The following SMARCD3 variants were observed in gnomAD, a reference collection of about 807,000 sequenced individuals.
The protein encoded by SMARCD3 is SWI/SNF-related matrix-associated actin-dependent regulator of chromatin subfamily D member 3.
Under a neutral mutation model 58.0 loss-of-function variants are expected in SMARCD3, and 14 were observed. That is an observed-to-expected ratio of 0.24 (90% CI 0.16 to 0.38). SMARCD3 has a LOEUF of 0.38. SMARCD3 is among the 10% of genes least tolerant of loss of function. The probability of loss-of-function intolerance (pLI) is 1.00; values close to 1 mark genes in which losing one functional copy is unlikely to be tolerated. For missense variants in SMARCD3, 408 were observed against 636.9 expected (o/e 0.64, Z 3.87); for synonymous variants, 253 against 253.8 (o/e 1.00, Z 0.03).
intron 2 of SMARCD3, among the ~76,000 whole-genome samples, chr7:151,244,061 G>A (rs1368413084): frequency 6.6e-6 from 1 of 152,190 alleles, no homozygotes; most frequent in East Asian, 1.9e-4. Context: ...GGAGAGGGAA[G>A]CCAGGTTCTG....
Position 151,245,741 on chromosome 7 carries a change from C to T in SMARCD3, c.79-70G>A. ...AGACCAGGGCCCCCCGCTCCAGGCG[C>T]GGTGAGCCGGCGTCTCCCCTCCCCC... On this transcript the variant is annotated intron_variant, in intron 1 of 12. Coordinates refer to ENST00000262188, the MANE Select transcript of SMARCD3 (RefSeq NM_001003801.2). This position sits in a 1 kb window ranked among gnomAD's most constrained non-coding sequence, Gnocchi z 6.2. The T allele has an allele frequency of 2.5e-6, 1 of 406,062 alleles. No individual in the cohort carries two copies. The allele number at this position is 406,062 out of a possible 1,614,324, so 25.2% of individuals were successfully genotyped here. A position where few individuals can be genotyped will look rare whatever the true frequency, so the allele number is the denominator to read the frequency against.
rs1239760372 is a variant in SMARCD3, at chr7:151,248,540, C to A, written c.23G>T (p.Gly8Val). The stretch of plus-strand genomic sequence containing the variant: ...GCTTTTCGTGGCTTTGCGCGCCCCT[C>A]CGGCAACTTCGTCCGCGGCCATCGG... MAADEVA[G>V]GARKATKSKL... The change falls in exon 1 of 13, where the codon GGA becomes GTA. Residue 8 changes from glycine to valine, a missense_variant. Physicochemically the swap from Gly to Val is moderately radical, Grantham distance 109. This residue lies in a region of SMARCD3 where 84 missense variants were observed against 81.2 expected (regional missense o/e 1.03). Coordinates refer to ENST00000262188, the MANE Select transcript of SMARCD3 (RefSeq NM_001003801.2). This position sits in a 1 kb window ranked among gnomAD's most constrained non-coding sequence, Gnocchi z 6.1. 6.2e-7 allele frequency: 1 copy of A among 1,613,842 alleles called. No homozygotes were observed.
At position 151,242,771 on chromosome 7, in the gene SMARCD3, T is replaced by G. The variant is rs757191231; in HGVS notation, c.406A>C (p.Ile136Leu). Residue 136 changes from isoleucine (I) to leucine (L), a missense_variant, in exon 4 of 13, where the codon ATC becomes CTC. Ile to Leu is a conservative substitution (Grantham distance 5). Around this residue, in one of 4 missense-constraint regions of SMARCD3, gnomAD observed 128 missense variants for 188.8 expected, o/e 0.68. Transcript: ENST00000262188. The surrounding 1 kb of genome is among the most constrained non-coding windows in gnomAD (Gnocchi z 4.7). The part of the protein sequence containing the change: ...LAFERKLDQT[I>L]MRKRVDIQEA... ...TGGATGTCCACCCGCTTCCGCATGA[T>G]GGTTTGATCCAGTTTCCTCTCAAAT... 4 of 1,614,124 alleles carry G rather than the reference T, an allele frequency of 2.5e-6. No individual in the cohort carries two copies. In the South Asian group the frequency reaches 4.4e-5, roughly 18 times the overall value.
upstream of SMARCD3, among the ~76,000 whole-genome samples, chr7:151,253,216 G>A (rs901579179): frequency 6.6e-6 from 1 of 152,156 alleles, no homozygotes; most frequent in African/African-American, 2.4e-5. Context: ...GAGTGAGTGG[G>A]GGCTGCTCAC....
intron 2 of SMARCD3, among the ~76,000 whole-genome samples, chr7:151,270,033 T>G (rs1795127262): frequency 6.6e-6 from 1 of 152,150 alleles, no homozygotes; most frequent in Non-Finnish European, 1.5e-5. Context: ...GAGCCAGAGC[T>G]GGATGTTCCG....
chr7:151,250,074 G>A (rs547227918), upstream of SMARCD3, among the ~76,000 whole-genome samples: 1 of 152,152 alleles, frequency 6.6e-6, no homozygotes, highest in Admixed American at 6.5e-5. Flanking sequence ...TTGAAGTTGG[G>A]CCCTGAAGAC....
Position 151,241,483 on chromosome 7 carries a change from A to T in SMARCD3, c.939+9T>A. On this transcript the variant is annotated intron_variant, in intron 8 of 12. Coordinates refer to ENST00000262188, the MANE Select transcript of SMARCD3 (RefSeq NM_001003801.2). This position sits in a 1 kb window ranked among gnomAD's most constrained non-coding sequence, Gnocchi z 5.3. ...CTCCCCAGATCCCAGGGTTCAGGAG[A>T]GAGGTTACCTGCTGGAAATACTTGT... 1 of 1,610,150 alleles carries T rather than the reference A, an allele frequency of 6.2e-7. No homozygotes were observed. Among genetic ancestry groups the T allele is most frequent in the Non-Finnish European group, 8.5e-7 (1 of 1,178,206 alleles).
At chr7:151,266,566 G>GCT (rs1270841310) in intron 2 of SMARCD3, among the ~76,000 whole-genome samples, 2 of 152,014 alleles carry the variant, frequency 1.3e-5, no homozygotes, top group African/African-American at 4.8e-5. Context: ...GCAAGACAAG[G>GCT]CTCTCTCTCT....
At position 151,239,701 on chromosome 7, in the gene SMARCD3, C is replaced by T. The variant is rs778282934; in HGVS notation, c.1219G>A (p.Asp407Asn). The change falls in exon 11 of 13, where the codon GAC (aspartate) becomes AAC (asparagine). Residue 407 changes from aspartate to asparagine, a missense_variant. Transcript: ENST00000262188. This position sits in a 1 kb window ranked among gnomAD's most constrained non-coding sequence, Gnocchi z 7.0. ...ESINQLKIQR[D>N]FMLSFSRDPK... ...TCTCTGGAGAAGCTTAGCATGAAGT[C>T]CCTCTGGATCTTGAGCTGGTTTATG... 6.2e-7 allele frequency: 1 copy of T among 1,613,890 alleles called. No homozygotes were observed. Among genetic ancestry groups the T allele is most frequent in the Non-Finnish European group, 8.5e-7 (1 of 1,179,868 alleles).
chr7:151,250,314 C>T (rs1350940924), upstream of SMARCD3, among the ~76,000 whole-genome samples: 1 of 151,970 alleles, frequency 6.6e-6, no homozygotes, highest in African/African-American at 2.4e-5. Flanking sequence ...TCTCCCAGGG[C>T]TTTAGCCTAG....
At chr7:151,267,025 C>T (rs1804102677) in intron 2 of SMARCD3, among the ~76,000 whole-genome samples, 1 of 152,288 alleles carries the variant, frequency 6.6e-6, no homozygotes, top group African/African-American at 2.4e-5. Context: ...GGTATTTATA[C>T]CACAGGAATT....
At position 151,243,649 on chromosome 7, in the gene SMARCD3, AG is replaced by A; in HGVS notation, c.333+9del. 6.3e-7 allele frequency: 1 copy of A among 1,580,528 alleles called. No individual in the cohort carries two copies. Among genetic ancestry groups the A allele is most frequent in the Non-Finnish European group, 8.7e-7 (1 of 1,149,646 alleles). ...GGGGTGGGCTGGGGGCTGCTGTGAA[AG>A]GCACTCACCCTTTGAGGGAGGATTT... On this transcript the variant is annotated intron_variant, in intron 3 of 12. Transcript: ENST00000262188. This position sits in a 1 kb window ranked among gnomAD's most constrained non-coding sequence, Gnocchi z 4.4.
Position 151,239,977 on chromosome 7 carries a change from GA to G in SMARCD3, c.1173+134del, listed in dbSNP as rs1397131542. ...GGGCCATGTGTGTCCCATTGGCCCAGAGTCTGGTCTCTTTTTTTTTTTTTTT... is the reference window on the plus strand; with the variant it reads ...GGGCCATGTGTGTCCCATTGGCCCAGGTCTGGTCTCTTTTTTTTTTTTTTT... On this transcript the variant is annotated intron_variant, in intron 10 of 12. Coordinates refer to ENST00000262188, the MANE Select transcript of SMARCD3 (RefSeq NM_001003801.2). The surrounding 1 kb of genome is among the most constrained non-coding windows in gnomAD (Gnocchi z 7.0). 7.7e-6 allele frequency: 8 copies of G among 1,038,710 alleles called. No individual in the cohort carries two copies. The Admixed American group carries it at 2.2e-4, about 28-fold the overall frequency. 64.3% of individuals were successfully genotyped at this position (1,038,710 alleles called of 1,614,324 possible). A position where few individuals can be genotyped will look rare whatever the true frequency, so the allele number is the denominator to read the frequency against.
rs1802849041 is a variant in SMARCD3, at chr7:151,239,579, T to C, written c.1296+45A>G. 6.2e-7 allele frequency: 1 copy of C among 1,613,498 alleles called. No homozygotes were observed. Among genetic ancestry groups the C allele is most frequent in the Non-Finnish European group, 8.5e-7 (1 of 1,179,662 alleles). On this transcript the variant is annotated intron_variant, in intron 11 of 12. Transcript: ENST00000262188. The surrounding 1 kb of genome is among the most constrained non-coding windows in gnomAD (Gnocchi z 7.0). The stretch of plus-strand genomic sequence containing the variant: ...GTACAACGTTTACTCTCTTTCCCGC[T>C]GTGCTTGTCTTCCACTCCAGTACTC...
chr7:151,253,671 T>C (rs544200739), upstream of SMARCD3, among the ~76,000 whole-genome samples: 1 of 152,202 alleles, frequency 6.6e-6, no homozygotes, highest in East Asian at 1.9e-4. Flanking sequence ...TTACTCCCCA[T>C]TAATGAGGTG....
Position 151,239,029 on chromosome 7 carries a change from G to T in SMARCD3, c.*74C>A. ...CACCCCAAGGTGGCAGAGGAGTGAT[G>T]CTGGAGCCCGGGGCAAAATGCTGGG... On this transcript the variant is annotated 3_prime_UTR_variant, in exon 13 of 13. Coordinates refer to ENST00000262188, the MANE Select transcript of SMARCD3 (RefSeq NM_001003801.2). This position sits in a 1 kb window ranked among gnomAD's most constrained non-coding sequence, Gnocchi z 7.0. 6.9e-7 allele frequency: 1 copy of T among 1,446,002 alleles called. No homozygotes were observed. Among genetic ancestry groups the T allele is most frequent in the Non-Finnish European group, 9.7e-7 (1 of 1,027,254 alleles). The allele number at this position is 1,446,002 out of a possible 1,614,324, so 89.6% of individuals were successfully genotyped here. A position where few individuals can be genotyped will look rare whatever the true frequency, so the allele number is the denominator to read the frequency against.
Position 151,243,714 on chromosome 7 carries a change from T to C in SMARCD3, c.291-13A>G. ...CCTCCTCTTGGCACTGTACATTTTT[T>C]AAAGAAAAAACCAGGTTACCATGGC... On this transcript the variant is annotated splice_polypyrimidine_tract_variant and intron_variant, in intron 2 of 12. Transcript: ENST00000262188. The surrounding 1 kb of genome is among the most constrained non-coding windows in gnomAD (Gnocchi z 4.4). 1 of 1,605,096 alleles carries C rather than the reference T, an allele frequency of 6.2e-7. No individual in the cohort carries two copies. Among genetic ancestry groups the C allele is most frequent in the Non-Finnish European group, 8.5e-7 (1 of 1,171,914 alleles).
At position 151,248,555 on chromosome 7, in the gene SMARCD3, G is replaced by T. The variant is rs776716845; in HGVS notation, c.8C>A (p.Ala3Glu). MAADEVAGGARKA... is the reference protein window; with the variant it reads MAEDEVAGGARKA... Reference sequence around the variant, plus strand: ...GCGCGCCCCTCCGGCAACTTCGTCCGCGGCCATCGGGGTGGGCTCAGCGGC... The same window carrying T: ...GCGCGCCCCTCCGGCAACTTCGTCCTCGGCCATCGGGGTGGGCTCAGCGGC... The change falls in exon 1 of 13, where the codon GCG (alanine) becomes GAG (glutamate). Residue 3 changes from alanine (A) to glutamate (E), a missense_variant. Ala to Glu is a moderately radical substitution (Grantham distance 107, BLOSUM62 -1). Around this residue, in one of 4 missense-constraint regions of SMARCD3, gnomAD observed 84 missense variants for 81.2 expected, o/e 1.03. Transcript: ENST00000262188. This position sits in a 1 kb window ranked among gnomAD's most constrained non-coding sequence, Gnocchi z 6.1. 1 of 1,613,692 alleles carries T rather than the reference G, an allele frequency of 6.2e-7. No individual in the cohort carries two copies. Among genetic ancestry groups the T allele is most frequent in the Non-Finnish European group, 8.5e-7 (1 of 1,179,750 alleles).
At chr7:151,265,375 C>A (rs773164789) in intron 2 of SMARCD3, among the ~76,000 whole-genome samples, 2 of 152,224 alleles carry the variant, frequency 1.3e-5, no homozygotes, top group Non-Finnish European at 2.9e-5. Flanking sequence ...CCCTCCCTCA[C>A]AGCCTTCAGA....
Sources: gnomAD v4.1 joint callset for allele counts (sites outside exome capture counted in the v4.1 genomes callset) on GRCh38, gnomAD v4.1.1 for gene constraint, gnomAD v4.1.1 regional missense constraint, Gnocchi (gnomAD v3.1) non-coding constraint, MANE v1.5 for transcripts, NCBI Gene and HGNC (gene_info 2026-07-23, HGNC 2026-07-21) for gene names.